Variants in STXBP4 observed in about 807,000 individuals in gnomAD.
STXBP4 encodes the protein syntaxin binding protein 4, also known as syntaxin-binding protein 4.
A neutral mutation model predicts 76.1 loss-of-function variants in STXBP4; 55 were observed. The observed-to-expected ratio is 0.72, with a 90% CI of 0.58 to 0.91. The LOEUF (loss-of-function observed/expected upper bound fraction) is 0.91, where lower values mean the gene tolerates loss of function less well. Ranked by LOEUF, STXBP4 falls within the 40% of genes least tolerant of loss-of-function variation. STXBP4 has a pLI of 0.00. For missense variants in STXBP4, 618 were observed against 636.9 expected (o/e 0.97, Z 0.32); for synonymous variants, 201 against 220.2 (o/e 0.91, Z 0.77).
intron 3 of STXBP4, among the ~76,000 whole-genome samples, chr17:54,987,317 G>C (rs923584222): frequency 6.6e-6 from 1 of 151,840 alleles, no homozygotes; most frequent in Non-Finnish European, 1.5e-5. Flanking sequence ...CTTCTTTTTG[G>C]TTAAGCCAAT....
rs1437124415 is a variant in STXBP4 at position 55,164,361 on chromosome 17, T to C, written c.*4450T>C. ...TGGACTGTTCTGAGGGAAAGGGCGATCAGATCAATAGTTCTGTCCCCCATT... is the reference window on the plus strand; with the variant it reads ...TGGACTGTTCTGAGGGAAAGGGCGACCAGATCAATAGTTCTGTCCCCCATT... On this transcript the variant is annotated 3_prime_UTR_variant, in exon 18 of 18. Transcript: ENST00000376352. 1 of 152,012 alleles carries C rather than the reference T, an allele frequency of 6.6e-6. No homozygotes were observed. Among genetic ancestry groups the C allele is most frequent in the Non-Finnish European group, 1.5e-5 (1 of 68,002 alleles). 9.4% of individuals were successfully genotyped at this position (152,012 alleles called of 1,614,324 possible). A position where few individuals can be genotyped will look rare whatever the true frequency, so the allele number is the denominator to read the frequency against.
At chr17:55,202,424 C>T in the STXBP4 span, among the ~76,000 whole-genome samples, 1 of 150,064 alleles carries the variant, frequency 6.7e-6, no homozygotes, top group Admixed American at 6.6e-5. Flanking sequence ...ATTAATTTCA[C>T]AAAATTAAAT....
At chr17:55,004,225 A>C (rs776900520) in intron 7 of STXBP4, among the ~76,000 whole-genome samples, 15 of 151,976 alleles carry the variant, frequency 9.9e-5, no homozygotes, top group Non-Finnish European at 1.9e-4. Context: ...TACAGTCATT[A>C]TTTTAACTTT....
At chr17:54,983,522 T>C (rs2077579510) in intron 1 of STXBP4, among the ~76,000 whole-genome samples, 1 of 152,188 alleles carries the variant, frequency 6.6e-6, no homozygotes, top group Non-Finnish European at 1.5e-5. Context: ...CTTACCTTAC[T>C]TAATAGGAGG....
At chr17:55,136,139 A>T (rs1356225471) in intron 16 of STXBP4, among the ~76,000 whole-genome samples, 1 of 152,196 alleles carries the variant, frequency 6.6e-6, no homozygotes, top group African/African-American at 2.4e-5. Flanking sequence ...TACCTAGAAG[A>T]ATGTCAGAAA....
At chr17:55,023,768 C>G (rs1567723908) in intron 8 of STXBP4, among the ~76,000 whole-genome samples, 1 of 151,970 alleles carries the variant, frequency 6.6e-6, no homozygotes, top group Non-Finnish European at 1.5e-5. Flanking sequence ...TGTGTGAGTA[C>G]TGACATCATA....
chr17:55,158,928 T>C (rs953604214), intron 17 of STXBP4, among the ~76,000 whole-genome samples: 1 of 152,200 alleles, frequency 6.6e-6, no homozygotes, highest in Non-Finnish European at 1.5e-5. Flanking sequence ...TAACTTCTCA[T>C]GGGAAAGGAT....
At chr17:55,148,431 G>A (rs1039798169) in intron 17 of STXBP4, among the ~76,000 whole-genome samples, 13 of 152,168 alleles carry the variant, frequency 8.5e-5, no homozygotes, top group African/African-American at 3.1e-4. Flanking sequence ...TAGAAATTAG[G>A]GAGATTGGAA....
chr17:55,045,793 A>C (rs1221772702), intron 11 of STXBP4, among the ~76,000 whole-genome samples: 1 of 152,072 alleles, frequency 6.6e-6, no homozygotes, highest in Non-Finnish European at 1.5e-5. Context: ...AAACCTACCT[A>C]TTGGCTGGCC....
intron 16 of STXBP4, among the ~76,000 whole-genome samples, chr17:55,104,566 G>A (rs558482643): frequency 7.2e-5 from 11 of 152,172 alleles, no homozygotes; most frequent in Non-Finnish European, 1.5e-4. Context: ...TCGTTCATCA[G>A]GGATATTGGC....
chr17:55,130,595 C>G (rs1323480076), intron 16 of STXBP4, among the ~76,000 whole-genome samples: 1 of 152,168 alleles, frequency 6.6e-6, no homozygotes, highest in East Asian at 1.9e-4. Flanking sequence ...TGACGGTCAC[C>G]ATGCTGTGCA....
intron 4 of STXBP4, among the ~76,000 whole-genome samples, chr17:54,995,613 T>C (rs2077788118): frequency 6.6e-6 from 1 of 152,200 alleles, no homozygotes; most frequent in African/African-American, 2.4e-5. Context: ...ATTTGTGGCA[T>C]TGAAGTAGGA....
At chr17:55,008,097 T>G (rs1186883772) in intron 8 of STXBP4, among the ~76,000 whole-genome samples, 2 of 151,956 alleles carry the variant, frequency 1.3e-5, no homozygotes, top group African/African-American at 4.8e-5. Context: ...AGTGGAACAT[T>G]GAGACTCTCA....
At chr17:55,156,420 A>C (rs2080277677) in intron 17 of STXBP4, among the ~76,000 whole-genome samples, 1 of 152,330 alleles carries the variant, frequency 6.6e-6, no homozygotes, top group South Asian at 2.1e-4. Context: ...CATAAAATTG[A>C]ATGGTATACA....
intron 16 of STXBP4, among the ~76,000 whole-genome samples, chr17:55,131,976 A>G (rs1175651956): frequency 6.6e-6 from 1 of 151,926 alleles, no homozygotes; most frequent in Non-Finnish European, 1.5e-5. Flanking sequence ...ACCTGCCTCA[A>G]CTTCCCAAAG....
At chr17:55,145,922 A>G (rs1195808110) in intron 17 of STXBP4, among the ~76,000 whole-genome samples, 4 of 152,192 alleles carry the variant, frequency 2.6e-5, no homozygotes, top group Admixed American at 2.6e-4. Context: ...AAATTTAATA[A>G]CAAACCATCC....
At chr17:55,068,165 C>G (rs2079075851) in intron 12 of STXBP4, among the ~76,000 whole-genome samples, 1 of 152,054 alleles carries the variant, frequency 6.6e-6, no homozygotes, top group Non-Finnish European at 1.5e-5. Context: ...CTGCAGTAAC[C>G]CTTAATTTTT....
chr17:55,129,655 A>G (rs1018652008), intron 16 of STXBP4, among the ~76,000 whole-genome samples: 2 of 152,196 alleles, frequency 1.3e-5, no homozygotes, highest in African/African-American at 2.4e-5. Flanking sequence ...TTTTATTTTT[A>G]TGTAACCTTT....
the STXBP4 span, among the ~76,000 whole-genome samples, chr17:55,206,152 T>A: frequency 2.0e-5 from 3 of 152,154 alleles, no homozygotes; most frequent in Admixed American, 2.0e-4. Flanking sequence ...ATATACATTA[T>A]GTGTGTAGGT....
Sources: allele counts gnomAD v4.1 joint callset (sites outside exome capture counted in the v4.1 genomes callset), GRCh38; gene constraint gnomAD v4.1.1; transcripts MANE v1.5; gene names NCBI Gene and HGNC (gene_info 2026-07-23, HGNC 2026-07-21).